The following TANC1 variants were observed in gnomAD, a reference collection of about 807,000 sequenced individuals.
TANC1 encodes the protein protein TANC1.
In TANC1, 77 loss-of-function variants were observed where a neutral mutation model predicts 149.7. That is an observed-to-expected ratio of 0.51 (90% CI 0.43 to 0.62). The LOEUF is 0.62. Ranked by LOEUF, TANC1 falls within the 20% of genes least tolerant of loss-of-function variation. The pLI is 0.00. For missense variants in TANC1, 1,985 were observed against 2,321.8 expected, an observed-to-expected ratio of 0.85 and a Z score of 2.98; for synonymous variants, 854 against 925.0, an observed-to-expected ratio of 0.92 and a Z score of 1.39.
rs1453007996 is a variant in TANC1, at chr2:159,232,635, TATG to T, written c.*1624_*1626del. 6.6e-6 allele frequency: 1 copy of T among 152,654 alleles called. No individual in the cohort carries two copies. The highest frequency in any genetic ancestry group is 2.4e-5 in the African/African-American group (1 of 41,468). 9.5% of individuals were successfully genotyped at this position (152,654 alleles called of 1,614,324 possible). Reference sequence around the variant, plus strand: ...TCTGCACAACTACTGTACTTTTCCATATGGAATAAAGACTATTAATAGAATGTG... The same window carrying T: ...TCTGCACAACTACTGTACTTTTCCATGAATAAAGACTATTAATAGAATGTG... On this transcript the variant is annotated 3_prime_UTR_variant, in exon 27 of 27. Transcript: ENST00000263635.
chr2:159,085,941 G>C (rs769120216), intron 3 of TANC1, among the ~76,000 whole-genome samples: 3 of 152,230 alleles, frequency 2.0e-5, no homozygotes, highest in Non-Finnish European at 4.4e-5. Flanking sequence ...GAATGAAACA[G>C]TATGTGAAGT....
chr2:159,074,466 TAA>T (rs968770168), intron 3 of TANC1, among the ~76,000 whole-genome samples: 7 of 152,212 alleles, frequency 4.6e-5, no homozygotes, highest in Admixed American at 4.6e-4. Context: ...TAGCAGAGGC[TAA>T]GAGCCTGGAG....
At chr2:159,007,190 A>C (rs1173805296) in intron 2 of TANC1, among the ~76,000 whole-genome samples, 2 of 114,534 alleles carry the variant, frequency 1.7e-5, no homozygotes, top group East Asian at 5.9e-4. Context: ...CTTGTTGCCC[A>C]GGCTACATTG....
At chr2:158,990,196 A>G (rs371541004) in intron 1 of TANC1, among the ~76,000 whole-genome samples, 9 of 152,278 alleles carry the variant, frequency 5.9e-5, no homozygotes, top group African/African-American at 1.9e-4. Flanking sequence ...TCAGCCTCCC[A>G]AAGTGCTGGG....
chr2:159,095,538 C>A (rs2046014125), intron 3 of TANC1, among the ~76,000 whole-genome samples: 1 of 151,894 alleles, frequency 6.6e-6, no homozygotes, highest in Non-Finnish European at 1.5e-5. Flanking sequence ...AAGTTCAAGA[C>A]CAGCCTGACC....
rs776554799 is a variant in TANC1, at chr2:159,169,381, C to T, written c.1069+9C>T. ...GGCACAGGAAGTTAAAGGTATTTATCCTGGCATCAGCTGCGATAATGGTTA... is the reference window on the plus strand; with the variant it reads ...GGCACAGGAAGTTAAAGGTATTTATTCTGGCATCAGCTGCGATAATGGTTA... On this transcript the variant is annotated intron_variant, in intron 9 of 26. Transcript: ENST00000263635. 6.2e-7 allele frequency: 1 copy of T among 1,612,968 alleles called. No individual in the cohort carries two copies. The highest frequency in any genetic ancestry group is 1.7e-5 in the Admixed American group (1 of 59,838).
At chr2:159,215,426 AACCATGGCCATGCTGACTGGTGTG>A (rs2059281391) in intron 19 of TANC1, among the ~76,000 whole-genome samples, 1 of 152,162 alleles carries the variant, frequency 6.6e-6, no homozygotes, top group Admixed American at 6.5e-5. Flanking sequence ...CTGGAGGTTA[AACCATGGCCATGCTGACTGGTGTG>A]ACCAGAGGAG....
intron 2 of TANC1, among the ~76,000 whole-genome samples, chr2:159,054,308 A>G (rs1042154316): frequency 7.2e-5 from 11 of 152,110 alleles, no homozygotes; most frequent in African/African-American, 2.4e-4. Flanking sequence ...GGTTGTGAGG[A>G]TTTAATCAGT....
At chr2:159,078,720 C>T (rs891317755) in intron 3 of TANC1, among the ~76,000 whole-genome samples, 5 of 152,140 alleles carry the variant, frequency 3.3e-5, no homozygotes, top group African/African-American at 4.8e-5. Context: ...TACCTCTAAT[C>T]CTTCTGATTT....
chr2:159,046,571 ATTCTT>A (rs1179921470), intron 2 of TANC1, among the ~76,000 whole-genome samples: 5 of 114,368 alleles, frequency 4.4e-5, no homozygotes, highest in African/African-American at 1.0e-4. Flanking sequence ...CCTATGCACC[ATTCTT>A]TTCTTTTCTT....
At chr2:158,990,038 C>A (rs922094873) in intron 1 of TANC1, among the ~76,000 whole-genome samples, 3 of 152,074 alleles carry the variant, frequency 2.0e-5, no homozygotes, top group Non-Finnish European at 4.4e-5. Context: ...GCCTCAGCCT[C>A]CTGAGTAGCT....
intron 16 of TANC1, among the ~76,000 whole-genome samples, chr2:159,189,790 C>T (rs954063602): frequency 1.3e-5 from 2 of 152,014 alleles, no homozygotes; most frequent in African/African-American, 4.8e-5. Context: ...GCTCTGGGCA[C>T]CACAGCCCCA....
At chr2:159,220,270 T>C (rs1374291705) in intron 22 of TANC1, among the ~76,000 whole-genome samples, 1 of 149,410 alleles carries the variant, frequency 6.7e-6, no homozygotes, top group African/African-American at 2.5e-5. Context: ...AATGACTACC[T>C]GGTTGCTTTT....
intron 18 of TANC1, among the ~76,000 whole-genome samples, 160 bp from the exon 19 acceptor site, chr2:159,198,815 A>G (rs1470896236): frequency 1.3e-5 from 2 of 152,244 alleles, no homozygotes; most frequent in Non-Finnish European, 2.9e-5. Context: ...TGTGAATAGC[A>G]TATGAATTAT....
intron 4 of TANC1, among the ~76,000 whole-genome samples, chr2:159,131,477 C>G (rs967328256): frequency 2.6e-5 from 4 of 152,208 alleles, no homozygotes; most frequent in Admixed American, 6.5e-5. Context: ...GTCACCGAGG[C>G]TCTGGCCCGG....
intron 4 of TANC1, among the ~76,000 whole-genome samples, chr2:159,123,399 T>G (rs1259100294): frequency 6.6e-6 from 1 of 152,078 alleles, no homozygotes; most frequent in Non-Finnish European, 1.5e-5. Context: ...GCCTTCACCC[T>G]CTCCTGGCTG....
rs781526220 is a variant in TANC1, at chr2:159,194,240, G to T, written c.2743-17G>T. The T allele has an allele frequency of 2.5e-6, 4 of 1,594,990 alleles. No individual in the cohort carries two copies. In the South Asian group the frequency reaches 4.4e-5, roughly 18 times the overall value. On this transcript the variant is annotated splice_polypyrimidine_tract_variant and intron_variant, in intron 16 of 26. Coordinates refer to ENST00000263635, the MANE Select transcript of TANC1 (RefSeq NM_033394.3). ...GACATACATGTGACAATCTTGTTGG[G>T]GGGCCTTGTCCAACAGGTGAGCCGT...
chr2:159,045,642 T>C (rs966299304), intron 2 of TANC1, among the ~76,000 whole-genome samples: 1 of 152,168 alleles, frequency 6.6e-6, no homozygotes, highest in Non-Finnish European at 1.5e-5. Flanking sequence ...TCATTAATAT[T>C]TGAGATATGT....
chr2:159,172,364 G>C, intron 11 of TANC1, 92 bp downstream of exon 11: 1 of 1,147,732 alleles, frequency 8.7e-7, no homozygotes, highest in Non-Finnish European at 1.2e-6. Context: ...GCTTAAAACA[G>C]AGACAACTGC....
Sources: gnomAD v4.1 joint callset for allele counts (sites outside exome capture counted in the v4.1 genomes callset) on GRCh38, gnomAD v4.1.1 for gene constraint, MANE v1.5 for transcripts, NCBI Gene and HGNC (gene_info 2026-07-23, HGNC 2026-07-21) for gene names.